The following PRMT8 variants were observed in gnomAD, a reference collection of about 807,000 sequenced individuals.
PRMT8 encodes the protein protein arginine N-methyltransferase 8.
PRMT8 carries 7 observed loss-of-function variants against 47.1 expected under a neutral mutation model. The observed-to-expected ratio is 0.15, with a 90% CI of 0.08 to 0.28. The LOEUF (loss-of-function observed/expected upper bound fraction) is 0.28. Among genes scored for constraint, PRMT8 ranks in the 10% least tolerant of loss-of-function variants. The probability of loss-of-function intolerance (pLI) is 1.00; values close to 1 mark genes in which losing one functional copy is unlikely to be tolerated. For synonymous variants in PRMT8, 188 were observed against 186.5 expected (o/e 1.01, Z -0.07); for missense variants, 237 against 505.4 (o/e 0.47, Z 5.09).
intron 1 of PRMT8, among the ~76,000 whole-genome samples, chr12:3,532,478 G>T (rs4439590): frequency 0.1 from 14,985 of 149,882 alleles, 794 homozygotes; most frequent in Non-Finnish European, 0.11. Flanking sequence ...CTGGCATGGT[G>T]GCGGGTGCCT....
intron 5 of PRMT8, 79 bp downstream of exon 5, chr12:3,568,927 C>A: frequency 6.4e-7 from 1 of 1,570,172 alleles, no homozygotes; most frequent in Non-Finnish European, 8.7e-7. Flanking sequence ...GCCTAGGAGG[C>A]ATACGAAGAC....
intron 2 of PRMT8, among the ~76,000 whole-genome samples, chr12:3,543,769 C>A (rs911277578): frequency 6.6e-6 from 1 of 152,150 alleles, no homozygotes; most frequent in Non-Finnish European, 1.5e-5. Context: ...AAGACCCTAG[C>A]CTTCCAATTT....
chr12:3,570,343 G>T lies in PRMT8; in HGVS notation c.712+779G>T, dbSNP rs1473675508. 2.6e-5 allele frequency among the ~76,000 whole-genome samples: 4 copies of T among 152,180 alleles called. No individual in the cohort carries two copies. Among genetic ancestry groups the T allele is most frequent in the African/African-American group, 9.7e-5 (4 of 41,446 alleles). On this transcript the variant is annotated intron_variant, in intron 6 of 9. Transcript: ENST00000382622. This position sits in a 1 kb window ranked among gnomAD's most constrained non-coding sequence, Gnocchi z 5.5. The stretch of plus-strand genomic sequence containing the variant: ...ATGAGATTATACCAAACATGTTTTT[G>T]TAAAGTTGAACATGGCTGTGTCTCC...
intron 1 of PRMT8, among the ~76,000 whole-genome samples, chr12:3,419,865 A>G (rs1004899816): frequency 6.6e-6 from 1 of 150,946 alleles, no homozygotes; most frequent in Non-Finnish European, 1.5e-5. Flanking sequence ...AGCCAGAAGG[A>G]TGCTCAGTTC....
intron 2 of PRMT8, 32 bp from the exon 3 acceptor site, chr12:3,549,904 C>T: frequency 6.2e-7 from 1 of 1,609,782 alleles, no homozygotes; most frequent in Non-Finnish European, 8.5e-7. Context: ...CTTGAATTCA[C>T]TGACATTTCC....
rs933777134 is a variant in PRMT8, at chr12:3,569,399, T to G, written c.625-78T>G. On this transcript the variant is annotated intron_variant, in intron 5 of 9. Transcript: ENST00000382622. This position sits in a 1 kb window ranked among gnomAD's most constrained non-coding sequence, Gnocchi z 8.2. ...GGCAAGGGGGTGCTTGTCTGGTGAC[T>G]CTATGTGCAGTTCAAAATGTGATGT... The G allele has an allele frequency of 2.5e-6, 3 of 1,207,746 alleles. No homozygotes were observed. The Admixed American group carries it at 5.1e-5, about 20-fold the overall frequency. 74.8% of individuals were successfully genotyped at this position (1,207,746 alleles called of 1,614,324 possible). A position where few individuals can be genotyped will look rare whatever the true frequency, so the allele number is the denominator to read the frequency against.
At chr12:3,511,768 G>T (rs1055315048) in intron 1 of PRMT8, among the ~76,000 whole-genome samples, 2 of 152,076 alleles carry the variant, frequency 1.3e-5, no homozygotes, top group African/African-American at 4.8e-5. Flanking sequence ...ACCTTACATA[G>T]GTGTCAAGGA....
intron 1 of PRMT8, among the ~76,000 whole-genome samples, chr12:3,521,218 C>T (rs1258097847): frequency 6.6e-6 from 1 of 152,194 alleles, no homozygotes; most frequent in African/African-American, 2.4e-5. Flanking sequence ...AACTAACAAA[C>T]ATCCACTCTG....
rs571331565 is a variant in PRMT8, at chr12:3,567,049, G to A, written c.482-1657G>A. Reference sequence around the variant, plus strand: ...GTCTCCTCCCACAGAGGAAACTGAAGTTCTTGAAGGTGACTCATAAGAAGA... The same window carrying A: ...GTCTCCTCCCACAGAGGAAACTGAAATTCTTGAAGGTGACTCATAAGAAGA... On this transcript the variant is annotated intron_variant, in intron 4 of 9. Transcript: ENST00000382622. 7.5e-4 allele frequency among the ~76,000 whole-genome samples: 114 copies of A among 152,346 alleles called. No individual in the cohort carries two copies. In the South Asian group the frequency reaches 7.7e-3, roughly 10 times the overall value.
intron 1 of PRMT8, among the ~76,000 whole-genome samples, chr12:3,471,885 GGCTTTCTCT>G (rs1865166369): frequency 6.6e-6 from 1 of 151,948 alleles, no homozygotes; most frequent in African/African-American, 2.4e-5. Context: ...CCTGTGGAGG[GGCTTTCTCT>G]GCTTACATTG....
chr12:3,460,577 G>A (rs1241928046), intron 1 of PRMT8, among the ~76,000 whole-genome samples: 1 of 152,226 alleles, frequency 6.6e-6, no homozygotes, highest in Non-Finnish European at 1.5e-5. Context: ...AGAATGGGAT[G>A]TGGGGGTAAT....
chr12:3,565,519 C>T (rs1234128017), intron 4 of PRMT8, among the ~76,000 whole-genome samples: 1 of 152,182 alleles, frequency 6.6e-6, no homozygotes, highest in African/African-American at 2.4e-5. Context: ...CATGTCCACA[C>T]TGAGAAATGT....
intron 1 of PRMT8, among the ~76,000 whole-genome samples, chr12:3,415,601 A>G (rs1044472519): frequency 3.9e-5 from 6 of 152,254 alleles, no homozygotes; most frequent in African/African-American, 1.4e-4. Flanking sequence ...ATGAAGACCA[A>G]ATAAATATTT....
In PRMT8 at chr12:3,408,137, C is replaced by A. The variant is rs546196012; in HGVS notation, c.48+26695C>A. Among the ~76,000 whole-genome samples, 195 of 151,250 alleles carry A rather than the reference C, an allele frequency of 1.3e-3. 1 individual carries two copies. The highest frequency in any genetic ancestry group is 4.4e-3 in the African/African-American group (180 of 41,218). ...TAATATTTCTACTTCCTTTTCCTCT[C>A]TCCCTCCCTCTCTTTCTCTTTCTTT... On this transcript the variant is annotated intron_variant, in intron 1 of 9. Coordinates refer to the PRMT8 transcript ENST00000452611.
chr12:3,524,618 G>A (rs1264987869), intron 1 of PRMT8, among the ~76,000 whole-genome samples: 1 of 142,340 alleles, frequency 7.0e-6, no homozygotes, highest in Admixed American at 7.3e-5. Context: ...ATTGTGGGCT[G>A]CAACAAAATG....
chr12:3,439,789 G>A (rs1265380240), intron 1 of PRMT8, among the ~76,000 whole-genome samples: 1 of 152,224 alleles, frequency 6.6e-6, no homozygotes, highest in Admixed American at 6.5e-5. Context: ...TGTCTCTGCT[G>A]TGGATAAATT....
At chr12:3,573,902 G>A (rs1201731076) in intron 6 of PRMT8, 1 of 152,052 alleles carries the variant, frequency 6.6e-6, no homozygotes, top group Non-Finnish European at 1.5e-5. Context: ...AATAATTAAT[G>A]TGATTTATTT....
At position 3,409,853 on chromosome 12, in the gene PRMT8, G is replaced by C. The variant is rs1384220024; in HGVS notation, c.48+28411G>C. On this transcript the variant is annotated intron_variant, in intron 1 of 9. Transcript: ENST00000452611. The surrounding 1 kb of genome is among the most constrained non-coding windows in gnomAD (Gnocchi z 4.4). ...CAGTGCCTCATCAGCTTCAGCACCA[G>C]GGGGTGTGATTGTTCTGGGTAGCCA... Among the ~76,000 whole-genome samples the C allele has an allele frequency of 6.6e-6, 1 of 152,194 alleles. No individual in the cohort carries two copies. Among genetic ancestry groups the C allele is most frequent in the East Asian group, 1.9e-4 (1 of 5,176 alleles).
chr12:3,457,842 CTTTTT>C lies in PRMT8; in HGVS notation c.48+76420_48+76424del, dbSNP rs762181050. On this transcript the variant is annotated intron_variant, in intron 1 of 9. Transcript: ENST00000452611. ...TTTTGCTTTAGGTCTTTCCAGTTTG[CTTTTT>C]TTTTTTTTTTTTTTTTTTTAAGACA... Among the ~76,000 whole-genome samples the C allele has an allele frequency of 4.9e-5, 4 of 81,100 alleles. No homozygotes were observed. In the South Asian group the frequency reaches 1.5e-3, roughly 30 times the overall value. 53.2% of individuals were successfully genotyped at this position (81,100 alleles called of 152,430 possible).
Sources: allele counts gnomAD v4.1 joint callset (sites outside exome capture counted in the v4.1 genomes callset), GRCh38; gene constraint gnomAD v4.1.1; non-coding constraint Gnocchi (gnomAD v3.1); transcripts MANE v1.5; gene names NCBI Gene and HGNC (gene_info 2026-07-23, HGNC 2026-07-21).